The following SCGB2B2 variants were observed in gnomAD, a reference collection of about 807,000 sequenced individuals.
The protein encoded by SCGB2B2 is secretoglobin-like protein.
Under a neutral mutation model 7.6 loss-of-function variants are expected in SCGB2B2, and 11 were observed. That is an observed-to-expected ratio of 1.45 (90% CI 0.91 to 2.40). SCGB2B2 has a LOEUF of 2.40. Ranked by LOEUF, SCGB2B2 falls within the 30% of genes most tolerant of loss-of-function variation. The pLI is 0.00. For synonymous variants in SCGB2B2, 50 were observed against 48.6 expected, an observed-to-expected ratio of 1.03 and a Z score of -0.12; for missense variants, 104 against 115.4, an observed-to-expected ratio of 0.90 and a Z score of 0.45.
At chr19:34,638,035 T>C (rs552581592) in intron 1 of SCGB2B2, 1 of 152,310 alleles carries the variant, frequency 6.6e-6, no homozygotes, top group East Asian at 1.9e-4. Context: ...GGGAGACCAT[T>C]TTACTTGACA....
In SCGB2B2 at chr19:34,634,098, C is replaced by A. The variant is rs1032774603; in HGVS notation, c.-2031-37504G>T. Reference sequence around the variant, plus strand: ...TATTTGCTCTGCCATTGACCTTGTGCACAGGAGACTAAATCTGGAAGTCCT... The same window carrying A: ...TATTTGCTCTGCCATTGACCTTGTGAACAGGAGACTAAATCTGGAAGTCCT... On this transcript the variant is annotated intron_variant, in intron 1 of 3. Transcript: ENST00000601241. Among the ~76,000 whole-genome samples, 3 of 152,210 alleles carry A rather than the reference C, an allele frequency of 2.0e-5. No individual in the cohort carries two copies. The East Asian group carries it at 5.8e-4, about 29-fold the overall frequency.
intron 1 of SCGB2B2, among the ~76,000 whole-genome samples, chr19:34,663,243 ATATCT>A (rs766541333): frequency 1.3e-5 from 2 of 152,240 alleles, no homozygotes; most frequent in Non-Finnish European, 2.9e-5. Flanking sequence ...AAGAATATGA[ATATCT>A]TATCACCTAA....
chr19:34,611,683 AGTGTTG>A (rs1363424543), intron 1 of SCGB2B2, among the ~76,000 whole-genome samples: 10 of 149,458 alleles, frequency 6.7e-5, no homozygotes, highest in East Asian at 5.9e-4. Context: ...GAAGTCTCGC[AGTGTTG>A]CCCAGGCTGG....
chr19:34,667,431 C>T (rs997879155), intron 1 of SCGB2B2, among the ~76,000 whole-genome samples: 1 of 152,132 alleles, frequency 6.6e-6, no homozygotes, highest in South Asian at 2.1e-4. Context: ...AACCTGGGCC[C>T]GGGGCCCCAC....
chr19:34,650,803 C>A (rs1463642950), intron 1 of SCGB2B2, among the ~76,000 whole-genome samples: 1 of 151,344 alleles, frequency 6.6e-6, no homozygotes, highest in Non-Finnish European at 1.5e-5. Context: ...CACACAACAA[C>A]AGAAAACTAT....
chr19:34,634,513 A>C (rs151295526), intron 1 of SCGB2B2, among the ~76,000 whole-genome samples: 6 of 150,996 alleles, frequency 4.0e-5, no homozygotes, highest in African/African-American at 1.5e-4. Flanking sequence ...GGATGTCCAG[A>C]TGTGAGATTA....
chr19:34,593,538 C>T lies in SCGB2B2; in HGVS notation c.*17G>A, dbSNP rs1037140277. Reference sequence around the variant, plus strand: ...GAAGGCAGGAGGGCCAATATCTGATCTGCAGGGGTCCTCAGATCAGAAGGC... The same window carrying T: ...GAAGGCAGGAGGGCCAATATCTGATTTGCAGGGGTCCTCAGATCAGAAGGC... On this transcript the variant is annotated 3_prime_UTR_variant, in exon 4 of 4. Coordinates refer to ENST00000601241, the MANE Select transcript of SCGB2B2 (RefSeq NM_001025591.4). The T allele has an allele frequency of 1.1e-5, 17 of 1,546,944 alleles. No individual in the cohort carries two copies. Among genetic ancestry groups the T allele is most frequent in the African/African-American group, 6.9e-5 (5 of 72,894 alleles).
downstream of SCGB2B2, among the ~76,000 whole-genome samples, chr19:34,590,598 A>T (rs1001373462): frequency 6.6e-6 from 1 of 152,248 alleles, no homozygotes; most frequent in South Asian, 2.1e-4. Context: ...GAGAAGCTCC[A>T]TATAGTGCTA....
At position 34,594,602 on chromosome 19, in the gene SCGB2B2, T is replaced by A. The variant is rs752903134; in HGVS notation, c.-39A>T. The A allele has an allele frequency of 3.4e-5, 53 of 1,576,530 alleles. No homozygotes were observed. Among genetic ancestry groups the A allele is most frequent in the Non-Finnish European group, 4.4e-5 (50 of 1,147,936 alleles). On this transcript the variant is annotated 5_prime_UTR_variant, in exon 2 of 4. Transcript: ENST00000601241. ...GGTCCCAGCAGGCACAGGCAGGGAA[T>A]TTGGCGATGGGTGAGCTTTATGTAT...
intron 1 of SCGB2B2, among the ~76,000 whole-genome samples, chr19:34,613,017 A>T (rs1388645985): frequency 6.6e-6 from 1 of 151,824 alleles, no homozygotes; most frequent in African/African-American, 2.4e-5. Flanking sequence ...TAAAATCTAC[A>T]TTATCAGATA....
chr19:34,634,201 ATTTTGTTGC>A (rs1226218147), intron 1 of SCGB2B2, among the ~76,000 whole-genome samples: 1 of 152,146 alleles, frequency 6.6e-6, no homozygotes, highest in Non-Finnish European at 1.5e-5. Context: ...CATACCCTCT[ATTTTGTTGC>A]CCTGAGCTCT....
At position 34,591,167 on chromosome 19, in the gene SCGB2B2, C is replaced by G. The variant is rs890440238; in HGVS notation, c.*2388G>C. 4.6e-5 allele frequency among the ~76,000 whole-genome samples: 7 copies of G among 152,198 alleles called. No homozygotes were observed. Among genetic ancestry groups the G allele is most frequent in the Non-Finnish European group, 7.3e-5 (5 of 68,028 alleles). On this transcript the variant is annotated 3_prime_UTR_variant, in exon 4 of 4. Transcript: ENST00000601241. The stretch of plus-strand genomic sequence containing the variant: ...CCCTGTGTCCCGTCCTCCTGGATAG[C>G]TAATGGATGTCTTGGATGTGGGAAA...
At chr19:34,658,834 A>AAAAAAAAG (rs1555749405) in intron 1 of SCGB2B2, among the ~76,000 whole-genome samples, 2 of 118,742 alleles carry the variant, frequency 1.7e-5, no homozygotes, top group South Asian at 3.4e-4. Context: ...AAAAAAAAAA[A>AAAAAAAAG]AGAGAGAGAA....
chr19:34,588,244 C>A (rs1471564267), downstream of SCGB2B2, among the ~76,000 whole-genome samples: 2 of 152,156 alleles, frequency 1.3e-5, no homozygotes, highest in Non-Finnish European at 2.9e-5. Context: ...CTTTTCAGTT[C>A]AATCTTGGAA....
intron 1 of SCGB2B2, among the ~76,000 whole-genome samples, chr19:34,651,177 T>C (rs1351492010): frequency 6.6e-6 from 1 of 151,418 alleles, no homozygotes; most frequent in Non-Finnish European, 1.5e-5. Flanking sequence ...GCTCTTCCTC[T>C]GAGATCTGGA....
chr19:34,666,052 C>T (rs2067611750), intron 1 of SCGB2B2, among the ~76,000 whole-genome samples: 1 of 152,108 alleles, frequency 6.6e-6, no homozygotes, highest in Non-Finnish European at 1.5e-5. Context: ...CAGCTGCAGT[C>T]TCCCAGCCTC....
chr19:34,594,088 A>G (rs527423922), intron 3 of SCGB2B2, 87 bp downstream of exon 3: 17 of 1,107,018 alleles, frequency 1.5e-5, no homozygotes, highest in Non-Finnish European at 6.7e-6. Flanking sequence ...TAAAACGTGG[A>G]AAGCAGGATG....
intron 1 of SCGB2B2, among the ~76,000 whole-genome samples, chr19:34,620,609 T>C (rs1365571506): frequency 6.6e-6 from 1 of 152,124 alleles, no homozygotes; most frequent in East Asian, 1.9e-4. Context: ...GGAACATGTA[T>C]ACATATGTAA....
At chr19:34,598,585 CT>C (rs1219489133) in intron 1 of SCGB2B2, among the ~76,000 whole-genome samples, 1 of 152,158 alleles carries the variant, frequency 6.6e-6, no homozygotes, top group Non-Finnish European at 1.5e-5. Context: ...TGGGGCATGG[CT>C]TTGCTGGGAT....
Sources: gnomAD v4.1 joint callset for allele counts (sites outside exome capture counted in the v4.1 genomes callset) on GRCh38, gnomAD v4.1.1 for gene constraint, MANE v1.5 for transcripts, NCBI Gene and HGNC (gene_info 2026-07-23, HGNC 2026-07-21) for gene names.